Variants in CA8 observed in about 807,000 individuals in gnomAD.
CA8 encodes the protein carbonic anhydrase 8 (inactive).
In CA8, 22 loss-of-function variants were observed where a neutral mutation model predicts 41.4. The ratio of observed to expected loss-of-function variants is 0.53; its 90% CI spans 0.38 to 0.76. The LOEUF (loss-of-function observed/expected upper bound fraction) is 0.76, where lower values mean the gene tolerates loss of function less well. Ranked by LOEUF, CA8 falls within the 30% of genes least tolerant of loss-of-function variation. The probability of loss-of-function intolerance (pLI) is 0.00; values close to 1 mark genes in which losing one functional copy is unlikely to be tolerated. For missense variants in CA8, 270 were observed against 352.8 expected (o/e 0.77, Z 1.88); for synonymous variants, 121 against 130.6 (o/e 0.93, Z 0.50).
In CA8 at chr8:60,190,957, T is replaced by TATATATATATATATATACACACACAC. The variant is rs1554573722; in HGVS notation, c.*36-973_*36-972insGTGTGTGTGTATATATATATATATAT. 1.2e-4 allele frequency among the ~76,000 whole-genome samples: 12 copies of TATATATATATATATATACACACACAC among 104,188 alleles called. 1 individual carries two copies. Among genetic ancestry groups the TATATATATATATATATACACACACAC allele is most frequent in the African/African-American group, 4.1e-4 (12 of 29,062 alleles). 68.4% of individuals were successfully genotyped at this position (104,188 alleles called of 152,430 possible). A position where few individuals can be genotyped will look rare whatever the true frequency, so the allele number is the denominator to read the frequency against. On this transcript the variant is annotated intron_variant, in intron 8 of 8. Transcript: ENST00000317995. ...CACACACTATATATATATATATATATACACACACACATTTCTACATATGCA... is the reference window on the plus strand; with the variant it reads ...CACACACTATATATATATATATATATATATATATATATATATACACACACACACACACACACATTTCTACATATGCA...
At chr8:60,206,598 G>A (rs536260600) in intron 8 of CA8, among the ~76,000 whole-genome samples, 22 of 149,560 alleles carry the variant, frequency 1.5e-4, no homozygotes, top group Admixed American at 1.2e-3. Flanking sequence ...GGCCTCTCCT[G>A]TGAACACATC....
intron 2 of CA8, among the ~76,000 whole-genome samples, chr8:60,269,960 G>C (rs1005865744): frequency 2.6e-5 from 4 of 152,216 alleles, no homozygotes; most frequent in Non-Finnish European, 4.4e-5. Flanking sequence ...TCTTGAATAA[G>C]CTGAGAGGTG....
At chr8:60,253,283 A>G (rs1808513481) in intron 3 of CA8, among the ~76,000 whole-genome samples, 1 of 152,092 alleles carries the variant, frequency 6.6e-6, no homozygotes, top group African/African-American at 2.4e-5. Flanking sequence ...TGAAAGTGAC[A>G]CTATTGTTAA....
intron 3 of CA8, among the ~76,000 whole-genome samples, chr8:60,236,409 T>G (rs1321552787): frequency 6.6e-6 from 1 of 152,170 alleles, no homozygotes; most frequent in Non-Finnish European, 1.5e-5. Flanking sequence ...CAATCTCTTC[T>G]TTCTCCCTCT....
At position 60,202,907 on chromosome 8, in the gene CA8, T is replaced by G. The variant is rs371421267; in HGVS notation, c.*35+5843A>C. On this transcript the variant is annotated intron_variant, in intron 8 of 8. Coordinates refer to ENST00000317995, the MANE Select transcript of CA8 (RefSeq NM_004056.6). ...AGTAAAGATTCTCAGAAGTCTTGCATGAAGAAAACCTGCTTAATGAAGTAT... is the reference window on the plus strand; with the variant it reads ...AGTAAAGATTCTCAGAAGTCTTGCAGGAAGAAAACCTGCTTAATGAAGTAT... Among the ~76,000 whole-genome samples, 23 of 152,314 alleles carry G rather than the reference T, an allele frequency of 1.5e-4. No homozygotes were observed. The East Asian group carries it at 4.2e-3, about 28-fold the overall frequency.
intron 8 of CA8, among the ~76,000 whole-genome samples, chr8:60,203,173 A>G (rs761321698): frequency 6.6e-6 from 1 of 152,182 alleles, no homozygotes; most frequent in Non-Finnish European, 1.5e-5. Flanking sequence ...AACAGAGAGG[A>G]GAACATTCTA....
chr8:60,205,556 T>C (rs944021336), intron 8 of CA8, among the ~76,000 whole-genome samples: 2 of 152,176 alleles, frequency 1.3e-5, no homozygotes, highest in Non-Finnish European at 2.9e-5. Flanking sequence ...TCATTTAATA[T>C]CAATAGGCAC....
intron 3 of CA8, among the ~76,000 whole-genome samples, chr8:60,248,099 T>G (rs1047817599): frequency 7.9e-5 from 12 of 151,690 alleles, no homozygotes; most frequent in South Asian, 2.1e-4. Flanking sequence ...TTTTGATGTT[T>G]TTTTTTTTTA....
chr8:60,265,815 G>T, intron 3 of CA8, 110 bp downstream of exon 3: 1 of 1,217,088 alleles, frequency 8.2e-7, no homozygotes, highest in Non-Finnish European at 1.2e-6. Context: ...AGTATAAACT[G>T]ATAAAATTCA....
rs766318418 is a variant in CA8, at chr8:60,281,168, C to T, written c.-21G>A. Reference sequence around the variant, plus strand: ...GCCATGGGAAGGCCGCGGGGCCCCTCGGCGCTCTCGGCAGCAGTGCCTGCG... The same window carrying T: ...GCCATGGGAAGGCCGCGGGGCCCCTTGGCGCTCTCGGCAGCAGTGCCTGCG... On this transcript the variant is annotated 5_prime_UTR_variant, in exon 1 of 9. Transcript: ENST00000317995. 1 of 1,514,368 alleles carries T rather than the reference C, an allele frequency of 6.6e-7. No individual in the cohort carries two copies. The highest frequency in any genetic ancestry group is 8.9e-7 in the Non-Finnish European group (1 of 1,119,432). The allele number at this position is 1,514,368 out of a possible 1,614,324, so 93.8% of individuals were successfully genotyped here.
intron 8 of CA8, among the ~76,000 whole-genome samples, chr8:60,205,334 A>G (rs1806543329): frequency 6.6e-6 from 1 of 152,166 alleles, no homozygotes; most frequent in Non-Finnish European, 1.5e-5. Context: ...ACAGTCTTTG[A>G]GCGTCAGAAC....
chr8:60,264,480 T>C (rs1040041999), intron 3 of CA8, among the ~76,000 whole-genome samples: 2 of 152,214 alleles, frequency 1.3e-5, no homozygotes, highest in Admixed American at 6.5e-5. Flanking sequence ...TCTTCTTTCC[T>C]TTTTGATGCA....
At chr8:60,212,796 C>T (rs915251738) in intron 7 of CA8, among the ~76,000 whole-genome samples, 1 of 152,134 alleles carries the variant, frequency 6.6e-6, no homozygotes, top group Non-Finnish European at 1.5e-5. Flanking sequence ...TTATGTTAAG[C>T]GTTCTGACCC....
intron 1 of CA8, 132 bp from the exon 2 acceptor site, chr8:60,280,012 A>T: frequency 1.5e-6 from 1 of 655,730 alleles, no homozygotes; most frequent in Non-Finnish European, 2.5e-6. Flanking sequence ...ATACAGATGA[A>T]ATATGGTAAT....
intron 8 of CA8, among the ~76,000 whole-genome samples, chr8:60,199,944 A>G (rs1032783488): frequency 6.6e-6 from 1 of 152,140 alleles, no homozygotes; most frequent in African/African-American, 2.4e-5. Flanking sequence ...CACCCTTCTG[A>G]GGGTTGTCAG....
intron 8 of CA8, among the ~76,000 whole-genome samples, chr8:60,194,337 G>A (rs543534519): frequency 3.9e-5 from 6 of 152,230 alleles, no homozygotes; most frequent in Admixed American, 3.3e-4. Flanking sequence ...GGAGGGCACC[G>A]TGGAGGCCTC....
intron 2 of CA8, among the ~76,000 whole-genome samples, chr8:60,275,674 T>C (rs529361663): frequency 1.3e-5 from 2 of 151,864 alleles, no homozygotes; most frequent in South Asian, 2.1e-4. Flanking sequence ...TGAAATAATA[T>C]AAGAAATATA....
At chr8:60,236,885 C>T (rs12543049) in intron 3 of CA8, among the ~76,000 whole-genome samples, 55,716 of 152,016 alleles carry the variant, frequency 0.37, 10,732 homozygotes, top group Admixed American at 0.47. Context: ...TGGAAAAGCA[C>T]ATGATACTAC....
chr8:60,192,972 CACA>C (rs1806178015), intron 8 of CA8, among the ~76,000 whole-genome samples: 4 of 151,160 alleles, frequency 2.6e-5, no homozygotes, highest in Admixed American at 6.6e-5. Flanking sequence ...CACACACACA[CACA>C]CCCCACCCCA....
Sources: allele counts gnomAD v4.1 joint callset (sites outside exome capture counted in the v4.1 genomes callset), GRCh38; gene constraint gnomAD v4.1.1; transcripts MANE v1.5; gene names NCBI Gene and HGNC (gene_info 2026-07-23, HGNC 2026-07-21).